IGDCC3: variants seen among roughly 807,000 people sequenced by gnomAD.
IGDCC3 encodes the protein putative neuronal cell adhesion molecule.
A neutral mutation model predicts 72.0 loss-of-function variants in IGDCC3; 47 were observed. The ratio of observed to expected loss-of-function variants is 0.65; its 90% CI spans 0.52 to 0.83. The LOEUF (loss-of-function observed/expected upper bound fraction) is 0.83. Among genes scored for constraint, IGDCC3 ranks in the 40% least tolerant of loss-of-function variants. IGDCC3 has a pLI of 0.00. For synonymous variants in IGDCC3, 477 were observed against 472.8 expected (o/e 1.01, Z -0.11); for missense variants, 1,038 against 1,091.3 (o/e 0.95, Z 0.69).
At chr15:65,338,570 G>C (rs1306503827) in intron 2 of IGDCC3, among the ~76,000 whole-genome samples, 4 of 123,380 alleles carry the variant, frequency 3.2e-5, no homozygotes, top group African/African-American at 1.3e-4. Flanking sequence ...GGCTGCACAG[G>C]TGTGGTCCAG....
chr15:65,329,362 G>A lies in IGDCC3; in HGVS notation c.2205+28C>T, dbSNP rs1052852538. Reference sequence around the variant, plus strand: ...GGTGGCAGTGTCAGAGCCTGAGGCGGGGGTTTGTTTAAGACATGGGCACTC... The same window carrying A: ...GGTGGCAGTGTCAGAGCCTGAGGCGAGGGTTTGTTTAAGACATGGGCACTC... On this transcript the variant is annotated intron_variant, in intron 13 of 13. Transcript: ENST00000327987. This position sits in a 1 kb window ranked among gnomAD's most constrained non-coding sequence, Gnocchi z 4.1. The A allele has an allele frequency of 5.7e-6, 9 of 1,569,010 alleles. No individual in the cohort carries two copies. The highest frequency in any genetic ancestry group is 1.2e-5 in the South Asian group (1 of 85,084).
intron 11 of IGDCC3, 21 bp downstream of exon 11, chr15:65,330,272 C>T: frequency 6.4e-7 from 1 of 1,566,692 alleles, no homozygotes; most frequent in Non-Finnish European, 8.8e-7. Context: ...CTCAGCCCCG[C>T]ACTCCATCCC....
At chr15:65,354,942 T>C (rs1339806371) in intron 2 of IGDCC3, among the ~76,000 whole-genome samples, 1 of 152,190 alleles carries the variant, frequency 6.6e-6, no homozygotes, top group African/African-American at 2.4e-5. Flanking sequence ...TCGGATTCAT[T>C]GGTCTGGTGT....
chr15:65,335,486 C>G, intron 3 of IGDCC3, 65 bp from the exon 4 acceptor site: 1 of 1,524,930 alleles, frequency 6.6e-7, no homozygotes, highest in South Asian at 1.2e-5. Flanking sequence ...CACAAAGACT[C>G]TGGGCATCCA....
Position 65,360,081 on chromosome 15 carries a change from G to A in IGDCC3, c.409+15016C>T, listed in dbSNP as rs138763440. ...CTTTCCCCACAATGTTTGCAGACAAGTGGGAGGGATAAGAGATATACTTGC... is the reference window on the plus strand; with the variant it reads ...CTTTCCCCACAATGTTTGCAGACAAATGGGAGGGATAAGAGATATACTTGC... On this transcript the variant is annotated intron_variant, in intron 2 of 13. Coordinates refer to ENST00000327987, the MANE Select transcript of IGDCC3 (RefSeq NM_004884.4). Among the ~76,000 whole-genome samples, 631 of 152,318 alleles carry A rather than the reference G, an allele frequency of 4.1e-3. 5 individuals are homozygous for A. The highest frequency in any genetic ancestry group is 6.2e-3 in the Non-Finnish European group (419 of 68,036).
chr15:65,361,284 A>G (rs1309238012), intron 2 of IGDCC3, among the ~76,000 whole-genome samples: 1 of 139,312 alleles, frequency 7.2e-6, no homozygotes, highest in African/African-American at 3.3e-5. Flanking sequence ...TAATAATAAT[A>G]AAAAAACATT....
rs377755934 is a variant in IGDCC3 at position 65,335,956 on chromosome 15, G to C, written c.410C>G (p.Thr137Ser). 4 of 1,614,000 alleles carry C rather than the reference G, an allele frequency of 2.5e-6. No homozygotes were observed. The highest frequency in any genetic ancestry group is 3.4e-6 in the Non-Finnish European group (4 of 1,179,994). Residue 137 changes from threonine (T) to serine (S), a missense_variant and splice_region_variant, in exon 3 of 14, where the codon ACC (threonine) becomes AGC (serine). Coordinates refer to ENST00000327987, the MANE Select transcript of IGDCC3 (RefSeq NM_004884.4). ...VSRKARIQAA[T>S]MSDFHVHPQA... The stretch of plus-strand genomic sequence containing the variant: ...GGGATGCACGTGGAAGTCCGACATG[G>C]CTGGGGGAAGAGAAGTGTATGAGTG...
rs778710245 is a variant in IGDCC3, at chr15:65,328,873, C to T, written c.*36G>A. The T allele has an allele frequency of 1.5e-5, 23 of 1,502,822 alleles. No individual in the cohort carries two copies. In the East Asian group the frequency reaches 2.6e-4, roughly 17 times the overall value. The allele number at this position is 1,502,822 out of a possible 1,614,324, so 93.1% of individuals were successfully genotyped here. A position where few individuals can be genotyped will look rare whatever the true frequency, so the allele number is the denominator to read the frequency against. On this transcript the variant is annotated 3_prime_UTR_variant, in exon 14 of 14. Coordinates refer to ENST00000327987, the MANE Select transcript of IGDCC3 (RefSeq NM_004884.4). Reference sequence around the variant, plus strand: ...TTGCTTTTGACCTGAGAATGGGCCCCGCTCCGTCCACCCTCTGGAGCCTGC... The same window carrying T: ...TTGCTTTTGACCTGAGAATGGGCCCTGCTCCGTCCACCCTCTGGAGCCTGC...
In IGDCC3 at chr15:65,328,830, C is replaced by G. The variant is rs1419350268; in HGVS notation, c.*79G>C. 2 of 1,478,030 alleles carry G rather than the reference C, an allele frequency of 1.4e-6. No homozygotes were observed. Among genetic ancestry groups the G allele is most frequent in the Admixed American group, 4.9e-5 (2 of 41,006 alleles). The allele number at this position is 1,478,030 out of a possible 1,614,324, so 91.6% of individuals were successfully genotyped here. On this transcript the variant is annotated 3_prime_UTR_variant, in exon 14 of 14. Transcript: ENST00000327987. ...GGAGCCCCCAGGACCATCCAAATCC[C>G]ACATGACAGTAGAAATCTTGCTTTT...
Position 65,375,520 on chromosome 15 carries a change from T to A in IGDCC3, c.104-118A>T, listed in dbSNP as rs371745334. 6 of 745,572 alleles carry A rather than the reference T, an allele frequency of 8.0e-6. No homozygotes were observed. The African/African-American group carries it at 8.9e-5, about 11-fold the overall frequency. The allele number at this position is 745,572 out of a possible 1,614,324, so 46.2% of individuals were successfully genotyped here. A position where few individuals can be genotyped will look rare whatever the true frequency, so the allele number is the denominator to read the frequency against. On this transcript the variant is annotated intron_variant, in intron 1 of 13. Transcript: ENST00000327987. ...TGGGTCTATGCACCCCATCCCCATG[T>A]TTCTGTAATGTTAATAGGAATTCCT...
Position 65,375,142 on chromosome 15 carries a change from G to T in IGDCC3, c.364C>A (p.Arg122Ser), listed in dbSNP as rs894457127. 1 of 1,614,106 alleles carries T rather than the reference G, an allele frequency of 6.2e-7. No homozygotes were observed. Among genetic ancestry groups the T allele is most frequent in the Non-Finnish European group, 8.5e-7 (1 of 1,179,998 alleles). ...TTCCGGCTGACCACCAGCCCAAAGCGGTTCTGGGCCACACACTCATAGTCA... is the reference window on the plus strand; with the variant it reads ...TTCCGGCTGACCACCAGCCCAAAGCTGTTCTGGGCCACACACTCATAGTCA... The part of the protein sequence containing the change: ...EGDYECVAQN[R>S]FGLVVSRKAR... Residue 122 changes from arginine (R) to serine (S), a missense_variant, in exon 2 of 14, where the codon CGC becomes AGC. Transcript: ENST00000327987.
In IGDCC3 at chr15:65,372,533, ATCCGC is replaced by A. The variant is rs139953158; in HGVS notation, c.409+2559_409+2563del. ...GATGGAAGGGCGTGCATTTCCAACC[ATCCGC>A]CTCTGGCCCGGAGCTCAGATGCCCA... On this transcript the variant is annotated intron_variant, in intron 2 of 13. Transcript: ENST00000327987. 2.7e-3 allele frequency among the ~76,000 whole-genome samples: 417 copies of A among 152,278 alleles called. 13 individuals are homozygous for A. The East Asian group carries it at 0.074, about 27-fold the overall frequency.
intron 2 of IGDCC3, among the ~76,000 whole-genome samples, chr15:65,362,445 G>A (rs1002520955): frequency 2.0e-5 from 3 of 151,940 alleles, no homozygotes; most frequent in African/African-American, 7.3e-5. Flanking sequence ...ATAATGGTGG[G>A]GCCAGAGGAG....
At chr15:65,337,510 G>C (rs1009374993) in intron 2 of IGDCC3, among the ~76,000 whole-genome samples, 1 of 152,164 alleles carries the variant, frequency 6.6e-6, no homozygotes, top group African/African-American at 2.4e-5. Context: ...GGCCCTGGGG[G>C]TGGGAGGTGG....
chr15:65,367,346 C>CAAAA (rs10609381), intron 2 of IGDCC3, among the ~76,000 whole-genome samples: 54 of 74,328 alleles, frequency 7.3e-4, no homozygotes, highest in Middle Eastern at 7.7e-3. Context: ...GACTTTGTCT[C>CAAAA]AAAAAAAAAA....
chr15:65,365,691 C>T (rs910711213), intron 2 of IGDCC3, among the ~76,000 whole-genome samples: 7 of 152,168 alleles, frequency 4.6e-5, no homozygotes, highest in Admixed American at 4.6e-4. Context: ...TGCAGAGGCC[C>T]GAGCTCACCT....
rs1378214704 is a variant in IGDCC3 at position 65,332,118 on chromosome 15, G to A, written c.983-12C>T. 2 of 1,610,096 alleles carry A rather than the reference G, an allele frequency of 1.2e-6. No individual in the cohort carries two copies. Among genetic ancestry groups the A allele is most frequent in the Non-Finnish European group, 8.5e-7 (1 of 1,177,688 alleles). ...AAACTCAGCTGGGGCTGCGAGTAGA[G>A]TCAGGAGGGTGGGGGCGCAGACAGA... On this transcript the variant is annotated splice_polypyrimidine_tract_variant and intron_variant, in intron 6 of 13. Coordinates refer to ENST00000327987, the MANE Select transcript of IGDCC3 (RefSeq NM_004884.4).
At chr15:65,354,357 A>C (rs2091197486) in intron 2 of IGDCC3, among the ~76,000 whole-genome samples, 2 of 152,152 alleles carry the variant, frequency 1.3e-5, no homozygotes, top group Middle Eastern at 6.8e-3. Flanking sequence ...ATGCTATGTC[A>C]CCTTGCAGAC....
rs28553455 is a variant in IGDCC3 at position 65,370,513 on chromosome 15, A to C, written c.409+4584T>G. On this transcript the variant is annotated intron_variant, in intron 2 of 13. Transcript: ENST00000327987. ...TAGAGCGAGACTTGGTCTCAAAAAA[A>C]AAATATATATATATATATATATATT... is the stretch of plus-strand genomic sequence containing the variant. Among the ~76,000 whole-genome samples, 52 of 61,614 alleles carry C rather than the reference A, an allele frequency of 8.4e-4. 2 individuals carry two copies. Among genetic ancestry groups the C allele is most frequent in the Middle Eastern group, 6.9e-3 (1 of 144 alleles). 40.4% of individuals were successfully genotyped at this position (61,614 alleles called of 152,430 possible). A position where few individuals can be genotyped will look rare whatever the true frequency, so the allele number is the denominator to read the frequency against.
Sources: gnomAD v4.1 joint callset for allele counts (sites outside exome capture counted in the v4.1 genomes callset) on GRCh38, gnomAD v4.1.1 for gene constraint, Gnocchi (gnomAD v3.1) non-coding constraint, MANE v1.5 for transcripts, NCBI Gene and HGNC (gene_info 2026-07-23, HGNC 2026-07-21) for gene names.